Variants in ENC1 observed in about 807,000 individuals in gnomAD.
The protein encoded by ENC1 is ectoderm-neural cortex protein 1.
Under a neutral mutation model 40.9 loss-of-function variants are expected in ENC1, and 19 were observed. That is an observed-to-expected ratio of 0.46 (90% CI 0.32 to 0.68). ENC1 has a LOEUF of 0.68. ENC1 is among the 30% of genes least tolerant of loss of function. The probability of loss-of-function intolerance (pLI) is 0.03; values close to 1 mark genes in which losing one functional copy is unlikely to be tolerated. For synonymous variants in ENC1, 285 were observed against 291.1 expected (o/e 0.98, Z 0.21); for missense variants, 479 against 737.5 (o/e 0.65, Z 4.06).
In ENC1 at chr5:74,635,790, C is replaced by T. The variant is rs1334812300; in HGVS notation, c.696G>A (p.Leu232=). 5.0e-6 allele frequency: 8 copies of T among 1,613,974 alleles called. No homozygotes were observed. The highest frequency in any genetic ancestry group is 1.7e-5 in the Admixed American group (1 of 60,006). The change falls in exon 2 of 3, where the codon CTG becomes CTA. Residue 232 remains leucine, a synonymous_variant. Coordinates refer to ENST00000302351, the MANE Select transcript of ENC1 (RefSeq NM_003633.4). This position sits in a 1 kb window ranked among gnomAD's most constrained non-coding sequence, Gnocchi z 5.5. ...GAAGTGCCAGCCTTACTGTCTGCAA[C>T]AGTTCTGGGAGGTAGCAATAGCGCT... ...LKKRYCYLPE[L]LQTVRLALLP...
intron 2 of ENC1, among the ~76,000 whole-genome samples, chr5:74,631,159 G>A (rs10075142): frequency 0.11 from 16,597 of 148,236 alleles, 953 homozygotes; most frequent in Non-Finnish European, 0.13. Context: ...AAACAGGAAC[G>A]ATAATAAAAA....
intron 2 of ENC1, among the ~76,000 whole-genome samples, chr5:74,634,409 C>T (rs1392054322): frequency 1.3e-5 from 2 of 151,708 alleles, no homozygotes; most frequent in Non-Finnish European, 2.9e-5. Flanking sequence ...GAGACTCTGT[C>T]TCAAATAATA....
chr5:74,636,214 T>C lies in ENC1; in HGVS notation c.272A>G (p.Asn91Ser), dbSNP rs377540290. ...CTCCAAGACTTCTGGGTGGATGGAA[T>C]TGTCAAAGTTGACCTCACTGTCCTG... is the stretch of plus-strand genomic sequence containing the variant. ...ESQDSEVNFD[N>S]SIHPEVLELL... Residue 91 changes from asparagine to serine, a missense_variant, in exon 2 of 3, where the codon AAT (asparagine) becomes AGT (serine). Transcript: ENST00000302351. The surrounding 1 kb of genome is among the most constrained non-coding windows in gnomAD (Gnocchi z 4.8). The C allele has an allele frequency of 1.2e-5, 19 of 1,614,064 alleles. No individual in the cohort carries two copies. In the Admixed American group the frequency reaches 2.2e-4, roughly 18 times the overall value.
Position 74,627,591 on chromosome 5 carries a change from G to T in ENC1, c.*2434C>A, listed in dbSNP as rs1747245436. 1 of 152,634 alleles carries T rather than the reference G, an allele frequency of 6.6e-6. No individual in the cohort carries two copies. The allele number at this position is 152,634 out of a possible 1,614,324, so 9.5% of individuals were successfully genotyped here. A position where few individuals can be genotyped will look rare whatever the true frequency, so the allele number is the denominator to read the frequency against. On this transcript the variant is annotated 3_prime_UTR_variant, in exon 3 of 3. Coordinates refer to ENST00000302351, the MANE Select transcript of ENC1 (RefSeq NM_003633.4). ...CCACATGGTCAATAGCCAAGAGAGGGACATTATGCAGCTCTAATCACTCTT... is the reference window on the plus strand; with the variant it reads ...CCACATGGTCAATAGCCAAGAGAGGTACATTATGCAGCTCTAATCACTCTT...
rs1747513723 is a variant in ENC1, at chr5:74,634,784, T to C, written c.1702A>G (p.Ile568Val). The C allele has an allele frequency of 1.2e-6, 2 of 1,614,012 alleles. No homozygotes were observed. Among genetic ancestry groups the C allele is most frequent in the Non-Finnish European group, 1.7e-6 (2 of 1,179,968 alleles). ...ATCAGCGAGTACGGGACAGTGGTGATGCTGTTCCACACGTCTAATGTTGGA... is the reference window on the plus strand; with the variant it reads ...ATCAGCGAGTACGGGACAGTGGTGACGCTGTTCCACACGTCTAATGTTGGA... ...YDPTLDVWNSITTVPYSLIPT... is the reference protein window; with the variant it reads ...YDPTLDVWNSVTTVPYSLIPT... Residue 568 changes from isoleucine to valine, a missense_variant, in exon 2 of 3, where the codon ATC becomes GTC. Physicochemically the swap from Ile to Val is conservative, Grantham distance 29 (BLOSUM62 3). Transcript: ENST00000302351.
In ENC1 at chr5:74,635,789, A is replaced by G; in HGVS notation, c.697T>C (p.Leu233=). The change falls in exon 2 of 3, where the codon TTG becomes CTG. Residue 233 remains leucine (L), a synonymous_variant. Transcript: ENST00000302351. This position sits in a 1 kb window ranked among gnomAD's most constrained non-coding sequence, Gnocchi z 5.5. Reference sequence around the variant, plus strand: ...AGAAGTGCCAGCCTTACTGTCTGCAACAGTTCTGGGAGGTAGCAATAGCGC... The same window carrying G: ...AGAAGTGCCAGCCTTACTGTCTGCAGCAGTTCTGGGAGGTAGCAATAGCGC... ...KKRYCYLPEL[L]QTVRLALLPA... The G allele has an allele frequency of 6.2e-7, 1 of 1,614,096 alleles. No homozygotes were observed. The highest frequency in any genetic ancestry group is 2.2e-5 in the East Asian group (1 of 44,876).
Position 74,635,717 on chromosome 5 carries a change from T to G in ENC1, c.769A>C (p.Thr257Pro). Reference protein sequence around the residue: ...MENVAMEELITKQRKSKEIVE... With the variant: ...MENVAMEELIPKQRKSKEIVE... ...ATTTCCTTACTCTTTCTCTGCTTGGTGATGAGTTCCTCCATGGCCACATTC... is the reference window on the plus strand; with the variant it reads ...ATTTCCTTACTCTTTCTCTGCTTGGGGATGAGTTCCTCCATGGCCACATTC... The change falls in exon 2 of 3, where the codon ACC becomes CCC. Residue 257 changes from threonine (T) to proline (P), a missense_variant. Coordinates refer to ENST00000302351, the MANE Select transcript of ENC1 (RefSeq NM_003633.4). This position sits in a 1 kb window ranked among gnomAD's most constrained non-coding sequence, Gnocchi z 5.5. 6.2e-7 allele frequency: 1 copy of G among 1,614,166 alleles called. No individual in the cohort carries two copies. Among genetic ancestry groups the G allele is most frequent in the Non-Finnish European group, 8.5e-7 (1 of 1,180,022 alleles).
intron 1 of ENC1, 165 bp downstream of exon 1, chr5:74,640,142 G>C (rs1241785973): frequency 6.6e-6 from 1 of 152,244 alleles, no homozygotes; most frequent in East Asian, 1.9e-4. Context: ...GAGGGCAGCG[G>C]CGGGCACCGT....
Position 74,632,509 on chromosome 5 carries a change from C to G in ENC1, c.*32+2175G>C, listed in dbSNP as rs73113457. Among the ~76,000 whole-genome samples, 183 of 152,230 alleles carry G rather than the reference C, an allele frequency of 1.2e-3. 1 individual carries two copies. Among genetic ancestry groups the G allele is most frequent in the African/African-American group, 4.3e-3 (179 of 41,530 alleles). On this transcript the variant is annotated intron_variant, in intron 2 of 2. Transcript: ENST00000302351. Reference sequence around the variant, plus strand: ...CAGGAAAGCATGACATAACTCAGAACTCTGATAACTGTACGAAGGCTGGAA... The same window carrying G: ...CAGGAAAGCATGACATAACTCAGAAGTCTGATAACTGTACGAAGGCTGGAA...
Position 74,635,171 on chromosome 5 carries a change from C to T in ENC1, c.1315G>A (p.Val439Ile). The T allele has an allele frequency of 5.6e-6, 9 of 1,614,236 alleles. No homozygotes were observed. Among genetic ancestry groups the T allele is most frequent in the Non-Finnish European group, 7.6e-6 (9 of 1,180,040 alleles). The change falls in exon 2 of 3, where the codon GTA becomes ATA. Residue 439 changes from valine to isoleucine, a missense_variant. Coordinates refer to ENST00000302351, the MANE Select transcript of ENC1 (RefSeq NM_003633.4). The surrounding 1 kb of genome is among the most constrained non-coding windows in gnomAD (Gnocchi z 5.5). ...PLREGVSNAA[V>I]VSAKLKLFAF... The stretch of plus-strand genomic sequence containing the variant: ...AATAACTTAAGTTTGGCACTCACTA[C>T]TGCGGCGTTGCTAACGCCTTCTCGG...
In ENC1 at chr5:74,636,416, G is replaced by T; in HGVS notation, c.70C>A (p.His24Asn). 1 of 1,614,080 alleles carries T rather than the reference G, an allele frequency of 6.2e-7. No homozygotes were observed. Among genetic ancestry groups the T allele is most frequent in the Non-Finnish European group, 8.5e-7 (1 of 1,179,996 alleles). The change falls in exon 2 of 3, where the codon CAC becomes AAC. Residue 24 changes from histidine (H) to asparagine (N), a missense_variant. Transcript: ENST00000302351. This position sits in a 1 kb window ranked among gnomAD's most constrained non-coding sequence, Gnocchi z 4.8. ...SSGSINIYLF[H>N]KSSYADSVLT... ...ACGCTGTCAGCGTAGGAGGACTTGT[G>T]AAACAGATAGATGTTAATGGAGCCG...
At position 74,629,901 on chromosome 5, in the gene ENC1, G is replaced by A. The variant is rs1394005317; in HGVS notation, c.*124C>T. On this transcript the variant is annotated 3_prime_UTR_variant, in exon 3 of 3. Transcript: ENST00000302351. Reference sequence around the variant, plus strand: ...ACAAGGTGCAGCAGATTTTATTCGAGTCTTGCAACTTCTTTTCCTTTTTTT... The same window carrying A: ...ACAAGGTGCAGCAGATTTTATTCGAATCTTGCAACTTCTTTTCCTTTTTTT... 7.1e-6 allele frequency: 1 copy of A among 140,374 alleles called. No homozygotes were observed. The highest frequency in any genetic ancestry group is 1.5e-5 in the Non-Finnish European group (1 of 66,768). The allele number at this position is 140,374 out of a possible 1,614,324, so 8.7% of individuals were successfully genotyped here. A position where few individuals can be genotyped will look rare whatever the true frequency, so the allele number is the denominator to read the frequency against.
chr5:74,638,039 G>A (rs977063433), intron 1 of ENC1, among the ~76,000 whole-genome samples: 2 of 152,046 alleles, frequency 1.3e-5, no homozygotes, highest in East Asian at 3.9e-4. Flanking sequence ...AAGTCCTCAA[G>A]AACCTGCCTG....
intron 2 of ENC1, among the ~76,000 whole-genome samples, chr5:74,632,722 G>A (rs953168685): frequency 2.0e-5 from 3 of 152,142 alleles, no homozygotes; most frequent in Admixed American, 1.3e-4. Flanking sequence ...CGTGGTGGCG[G>A]GCACTGTAAT....
intron 1 of ENC1, among the ~76,000 whole-genome samples, chr5:74,637,266 C>T (rs1747635832): frequency 6.6e-6 from 1 of 152,158 alleles, no homozygotes; most frequent in Non-Finnish European, 1.5e-5. Flanking sequence ...AAGGTGTGCA[C>T]CACCAAACCC....
rs1747592202 is a variant in ENC1 at position 74,636,318 on chromosome 5, G to A, written c.168C>T (p.Thr56=). 4.3e-6 allele frequency: 7 copies of A among 1,614,050 alleles called. No homozygotes were observed. Among genetic ancestry groups the A allele is most frequent in the African/African-American group, 2.7e-5 (2 of 74,920 alleles). The change falls in exon 2 of 3, where the codon ACC becomes ACT. Residue 56 remains threonine (T), a synonymous_variant. Coordinates refer to ENST00000302351, the MANE Select transcript of ENC1 (RefSeq NM_003633.4). The surrounding 1 kb of genome is among the most constrained non-coding windows in gnomAD (Gnocchi z 4.8). ...CCAGCACTGCCCGGTGGCAAGGGAA[G>A]GTCCTATTTCCGGCATGGAGAAGGA... ...TDVLLHAGNR[T]FPCHRAVLAA...
At position 74,635,856 on chromosome 5, in the gene ENC1, C is replaced by T; in HGVS notation, c.630G>A (p.Val210=). The part of the protein sequence containing the change: ...EELETEDERL[V]YESAINWISY... The stretch of plus-strand genomic sequence containing the variant: ...TGATCCAGTTAATTGCAGACTCGTA[C>T]ACAAGCCTTTCATCCTCTGTCTCCA... The change falls in exon 2 of 3, where the codon GTG becomes GTA. Residue 210 remains valine (V), a synonymous_variant. Coordinates refer to ENST00000302351, the MANE Select transcript of ENC1 (RefSeq NM_003633.4). This position sits in a 1 kb window ranked among gnomAD's most constrained non-coding sequence, Gnocchi z 5.5. 6.2e-7 allele frequency: 1 copy of T among 1,614,004 alleles called. No homozygotes were observed. Among genetic ancestry groups the T allele is most frequent in the Non-Finnish European group, 8.5e-7 (1 of 1,180,032 alleles).
Position 74,634,815 on chromosome 5 carries a change from G to T in ENC1, c.1671C>A (p.Cys557Ter), listed in dbSNP as rs1747515406. 6.2e-7 allele frequency: 1 copy of T among 1,613,920 alleles called. No homozygotes were observed. The highest frequency in any genetic ancestry group is 8.5e-7 in the Non-Finnish European group (1 of 1,179,866). The change falls in exon 2 of 3, where the codon TGC becomes TGA. Residue 557 changes from cysteine (C) to a stop codon, truncating the protein, a stop_gained. Coordinates refer to ENST00000302351, the MANE Select transcript of ENC1 (RefSeq NM_003633.4). LOFTEE classifies it high-confidence loss of function. ...TCCACACGTCTAATGTTGGATCGTA[G>T]CAGTCCAAAGTCTTGCATCGCTGAA... ...FGIQRCKTLDCYDPTLDVWNS... is the reference protein window; with the variant it reads ...FGIQRCKTLD
At chr5:74,638,044 T>C (rs190057882) in intron 1 of ENC1, among the ~76,000 whole-genome samples, 1 of 152,286 alleles carries the variant, frequency 6.6e-6, no homozygotes, top group Admixed American at 6.5e-5. Context: ...CTCAAGAACC[T>C]GCCTGTCCAA....
Sources: gnomAD v4.1 joint callset for allele counts (sites outside exome capture counted in the v4.1 genomes callset) on GRCh38, gnomAD v4.1.1 for gene constraint, Gnocchi (gnomAD v3.1) non-coding constraint, MANE v1.5 for transcripts, NCBI Gene and HGNC (gene_info 2026-07-23, HGNC 2026-07-21) for gene names.